The following GCNT1 variants were observed in gnomAD, a reference collection of about 807,000 sequenced individuals.
GCNT1 encodes beta-1,3-galactosyl-O-glycosyl-glycoprotein beta-1,6-N-acetylglucosaminyltransferase.
GCNT1 carries 16 observed loss-of-function variants against 26.2 expected under a neutral mutation model. That is an observed-to-expected ratio of 0.61 (90% CI 0.41 to 0.93). The LOEUF (loss-of-function observed/expected upper bound fraction) is 0.93, where lower values mean the gene tolerates loss of function less well. GCNT1 is among the 40% of genes least tolerant of loss of function. GCNT1 has a pLI of 0.00. For missense variants in GCNT1, 477 were observed against 526.7 expected, an observed-to-expected ratio of 0.91 and a Z score of 0.92; for synonymous variants, 183 against 190.8, an observed-to-expected ratio of 0.96 and a Z score of 0.34.
upstream of GCNT1, among the ~76,000 whole-genome samples, chr9:76,438,136 A>G (rs967653212): frequency 1.3e-5 from 2 of 152,264 alleles, no homozygotes; most frequent in Admixed American, 6.5e-5. Flanking sequence ...ACACAGCCTC[A>G]GGAGGTCCTG....
intron 2 of GCNT1, among the ~76,000 whole-genome samples, chr9:76,486,227 G>A (rs539687027): frequency 2.0e-5 from 3 of 152,226 alleles, no homozygotes; most frequent in South Asian, 4.1e-4. Flanking sequence ...GTGTTAATAC[G>A]GGTAAGCCAT....
chr9:76,503,653 G>T lies in GCNT1; in HGVS notation c.1272G>T (p.Glu424Asp). 1 of 1,613,404 alleles carries T rather than the reference G, an allele frequency of 6.2e-7. No homozygotes were observed. Residue 424 changes from glutamate (E) to aspartate (D), a missense_variant, in exon 4 of 4, where the codon GAG becomes GAT. Transcript: ENST00000376730. ...AGCATTTGAGACACAAAGCTTTGGA[G>T]ACATTAAAACACTGACCATTACGGG... Reference protein sequence around the residue: ...LDEHLRHKALETLKH With the variant: ...LDEHLRHKALDTLKH
rs553028370 is a variant in GCNT1 at position 76,485,334 on chromosome 9, G to A, written c.-289-15582G>A. Among the ~76,000 whole-genome samples the A allele has an allele frequency of 4.6e-5, 7 of 151,982 alleles. No homozygotes were observed. In the East Asian group the frequency reaches 5.8e-4, roughly 13 times the overall value. On this transcript the variant is annotated intron_variant, in intron 2 of 3. Transcript: ENST00000376730. The stretch of plus-strand genomic sequence containing the variant: ...ATTATGGGCGCATGCCACCACACCC[G>A]GCTAATTTTTTGTGTTTTTAGTAGA...
chr9:76,454,799 C>G (rs570675373), upstream of GCNT1, among the ~76,000 whole-genome samples: 1 of 151,554 alleles, frequency 6.6e-6, no homozygotes, highest in Non-Finnish European at 1.5e-5. Flanking sequence ...TGAGGCCCCC[C>G]CAGCCAGGCA....
upstream of GCNT1, among the ~76,000 whole-genome samples, chr9:76,418,926 T>C (rs1311165691): frequency 1.3e-5 from 2 of 152,224 alleles, no homozygotes; most frequent in Non-Finnish European, 2.9e-5. Context: ...TGTGTTTTCT[T>C]TGTGGGTCCA....
intron 1 of GCNT1, among the ~76,000 whole-genome samples, chr9:76,433,349 C>T (rs966920832): frequency 2.6e-5 from 4 of 152,212 alleles, no homozygotes; most frequent in Admixed American, 2.0e-4. Context: ...TGCCCCTGTT[C>T]ATCAGGCTGT....
upstream of GCNT1, among the ~76,000 whole-genome samples, chr9:76,439,456 C>G (rs1054878611): frequency 1.3e-5 from 2 of 152,022 alleles, no homozygotes; most frequent in Non-Finnish European, 2.9e-5. Flanking sequence ...AACTCCTGAC[C>G]TCAGGTGATC....
At chr9:76,481,894 G>A (rs968147182) in intron 2 of GCNT1, among the ~76,000 whole-genome samples, 6 of 152,176 alleles carry the variant, frequency 3.9e-5, no homozygotes, top group Non-Finnish European at 1.5e-5. Flanking sequence ...AGGGCAGTAT[G>A]AAGAGGGCCA....
the GCNT1 span, among the ~76,000 whole-genome samples, chr9:76,405,515 G>A: frequency 6.6e-6 from 1 of 152,150 alleles, no homozygotes; most frequent in African/African-American, 2.4e-5. Context: ...CATTTTCACT[G>A]TCATAAAAAT....
At chr9:76,394,334 G>A in the GCNT1 span, 5 of 582,830 alleles carry the variant, frequency 8.6e-6, no homozygotes, top group Admixed American at 7.8e-5. Flanking sequence ...ACAGGCCACT[G>A]CGAATCCCTG....
intron 1 of GCNT1, among the ~76,000 whole-genome samples, chr9:76,428,302 A>AAAAAAAAAAAAG (rs1222053703): frequency 7.4e-5 from 11 of 149,432 alleles, no homozygotes; most frequent in South Asian, 2.1e-4. Context: ...TAAAAAAAAA[A>AAAAAAAAAAAAG]AGAGAGAGAG....
At position 76,503,497 on chromosome 9, in the gene GCNT1, C is replaced by T. The variant is rs200177188; in HGVS notation, c.1116C>T (p.Cys372=). The T allele has an allele frequency of 1.2e-5, 20 of 1,614,058 alleles. No individual in the cohort carries two copies. The highest frequency in any genetic ancestry group is 5.5e-5 in the South Asian group (5 of 91,092). Residue 372 remains cysteine, a synonymous_variant, in exon 4 of 4, where the codon TGC becomes TGT. Coordinates refer to ENST00000376730, the MANE Select transcript of GCNT1 (RefSeq NM_001490.5). ...DVSKGAPYPP[C]DGVHVRSVCI... ...CCAAGGGTGCTCCCTACCCGCCCTG[C>T]GATGGAGTCCATGTGCGCTCAGTGT... is the stretch of plus-strand genomic sequence containing the variant.
chr9:76,460,823 A>G (rs1467566026), intron 2 of GCNT1, among the ~76,000 whole-genome samples: 1 of 152,002 alleles, frequency 6.6e-6, no homozygotes, highest in East Asian at 1.9e-4. Context: ...GGTCACTGCC[A>G]CCTCCTCTGC....
At chr9:76,394,855 G>A in the GCNT1 span, among the ~76,000 whole-genome samples, 4 of 152,178 alleles carry the variant, frequency 2.6e-5, no homozygotes, top group Non-Finnish European at 4.4e-5. Context: ...CGCTCTTTAA[G>A]TATTTATTAA....
intron 1 of GCNT1, among the ~76,000 whole-genome samples, chr9:76,430,586 A>C (rs1358608431): frequency 6.6e-6 from 1 of 151,736 alleles, no homozygotes; most frequent in Non-Finnish European, 1.5e-5. Context: ...AGGTCTCACT[A>C]TGTTGCCTAG....
intron 2 of GCNT1, among the ~76,000 whole-genome samples, chr9:76,499,428 A>G (rs1428275520): frequency 6.6e-6 from 1 of 152,102 alleles, no homozygotes; most frequent in Non-Finnish European, 1.5e-5. Context: ...ACACCTAGCC[A>G]ACAAACTTTC....
chr9:76,406,447 T>C, the GCNT1 span, among the ~76,000 whole-genome samples: 109 of 146,812 alleles, frequency 7.4e-4, no homozygotes, highest in East Asian at 0.018. Context: ...CAGTGAGCCA[T>C]GATTGTGCCA....
chr9:76,487,038 G>A (rs1824599171), intron 2 of GCNT1, among the ~76,000 whole-genome samples: 1 of 152,202 alleles, frequency 6.6e-6, no homozygotes, highest in Non-Finnish European at 1.5e-5. Context: ...AGACCACAGA[G>A]GAGCTAAGCA....
At chr9:76,497,693 A>C (rs1198545788) in intron 2 of GCNT1, among the ~76,000 whole-genome samples, 1 of 152,104 alleles carries the variant, frequency 6.6e-6, no homozygotes, top group Non-Finnish European at 1.5e-5. Context: ...TTGGATTTCG[A>C]GGTGACCCTT....
Sources: allele counts gnomAD v4.1 joint callset (sites outside exome capture counted in the v4.1 genomes callset), GRCh38; gene constraint gnomAD v4.1.1; transcripts MANE v1.5; gene names NCBI Gene and HGNC (gene_info 2026-07-23, HGNC 2026-07-21).